SBF2: variants seen among roughly 807,000 people sequenced by gnomAD.
The protein encoded by SBF2 is SET binding factor 2.
In SBF2, 112 loss-of-function variants were observed where a neutral mutation model predicts 225.2. The ratio of observed to expected loss-of-function variants is 0.50; its 90% CI spans 0.43 to 0.58. The LOEUF is 0.58. Among genes scored for constraint, SBF2 ranks in the 20% least tolerant of loss-of-function variants. The pLI, the probability that SBF2 is intolerant of heterozygous loss-of-function variation, is 0.00. For synonymous variants in SBF2, 763 were observed against 773.3 expected, an observed-to-expected ratio of 0.99 and a Z score of 0.22; for missense variants, 1,996 against 2,206.2, an observed-to-expected ratio of 0.90 and a Z score of 1.91.
chr11:10,106,672 G>A (rs903062983), intron 2 of SBF2, among the ~76,000 whole-genome samples: 12 of 141,166 alleles, frequency 8.5e-5, no homozygotes, highest in East Asian at 8.5e-4. Context: ...AAAAACTAAC[G>A]AAATTGTTAA....
At position 9,845,580 on chromosome 11, in the gene SBF2, T is replaced by C. The variant is rs577937581; in HGVS notation, c.3095A>G (p.Lys1032Arg). The C allele has an allele frequency of 3.5e-5, 57 of 1,613,836 alleles. No homozygotes were observed. The South Asian group carries it at 6.1e-4, about 17-fold the overall frequency. Residue 1032 changes from lysine to arginine, a missense_variant, in exon 24 of 40, where the codon AAG (lysine) becomes AGG (arginine). By Grantham distance (26) the Lys-to-Arg change is conservative. Coordinates refer to ENST00000256190, the MANE Select transcript of SBF2 (RefSeq NM_030962.4). ...TTCTTCTTACCGAAAAGAAGTGTTC[T>C]TTTCCTTCTGTTTTGGTAAAATTAT... ...PQIILPKQKE[K>R]NTSFRTFSKT...
rs565347502 is a variant in SBF2 at position 9,867,368 on chromosome 11, T to C, written c.1930-8972A>G. On this transcript the variant is annotated intron_variant, in intron 17 of 39. Coordinates refer to ENST00000256190, the MANE Select transcript of SBF2 (RefSeq NM_030962.4). ...TATCTTGTCCCAGTTAAAGTGGCTA[T>C]TATAAAAAAAAGAAAAAGTAACAGA... 4.3e-3 allele frequency among the ~76,000 whole-genome samples: 653 copies of C among 152,198 alleles called. 2 individuals are homozygous for C. Among genetic ancestry groups the C allele is most frequent in the Non-Finnish European group, 8.1e-3 (552 of 68,006 alleles).
At chr11:9,926,968 G>A (rs1864104076) in intron 16 of SBF2, among the ~76,000 whole-genome samples, 3 of 152,042 alleles carry the variant, frequency 2.0e-5, no homozygotes. Flanking sequence ...GGTTCTCTGA[G>A]AAATTTAATA....
At position 10,206,196 on chromosome 11, in the gene SBF2, G is replaced by A. The variant is rs143267243; in HGVS notation, c.56-12209C>T. Among the ~76,000 whole-genome samples, 373 of 151,070 alleles carry A rather than the reference G, an allele frequency of 2.5e-3. 3 individuals are homozygous for A. Among genetic ancestry groups the A allele is most frequent in the African/African-American group, 8.8e-3 (364 of 41,268 alleles). On this transcript the variant is annotated intron_variant, in intron 1 of 39. Coordinates refer to ENST00000256190, the MANE Select transcript of SBF2 (RefSeq NM_030962.4). ...AAGAGACATCAAACAGCTCAGCCTG[G>A]GGAATGATTTCTGCCACCTCAGGCA...
At chr11:9,838,908 T>G (rs1424344573) in intron 26 of SBF2, 1 of 155,848 alleles carries the variant, frequency 6.4e-6, no homozygotes, top group Non-Finnish European at 1.4e-5. Context: ...AGAAAATGCC[T>G]CTTTATTTAC....
intron 17 of SBF2, among the ~76,000 whole-genome samples, chr11:9,877,838 A>G (rs1833576078): frequency 6.6e-6 from 1 of 152,162 alleles, no homozygotes; most frequent in Non-Finnish European, 1.5e-5. Context: ...GCTATTGTGT[A>G]TAGTGCCACA....
At chr11:9,808,742 G>A in intron 31 of SBF2, 159 bp downstream of exon 31, 1 of 591,822 alleles carries the variant, frequency 1.7e-6, no homozygotes, top group South Asian at 2.0e-5. Context: ...AGAGCTCATG[G>A]TACGGAGTTT....
At position 9,916,853 on chromosome 11, in the gene SBF2, A is replaced by ACTTACTAACTTACTACCTTT. The variant is rs1863140605; in HGVS notation, c.1861-20843_1861-20842insAAAGGTAGTAAGTTAGTAAG. On this transcript the variant is annotated intron_variant, in intron 16 of 39. Coordinates refer to ENST00000256190, the MANE Select transcript of SBF2 (RefSeq NM_030962.4). ...TCTTGCCTCAGCCTCCCAAGTGCTA[A>ACTTACTAACTTACTACCTTT]GAGTACAGGAGCAAATTACCATGCC... Among the ~76,000 whole-genome samples, 186 of 151,890 alleles carry ACTTACTAACTTACTACCTTT rather than the reference A, an allele frequency of 1.2e-3. 5 individuals are homozygous for ACTTACTAACTTACTACCTTT. The highest frequency in any genetic ancestry group is 4.3e-3 in the African/African-American group (177 of 41,306).
intron 1 of SBF2, among the ~76,000 whole-genome samples, chr11:10,223,443 A>ATATATATATATATATATATAT (rs57185157): frequency 8.0e-6 from 1 of 124,268 alleles, no homozygotes; most frequent in African/African-American, 3.2e-5. Flanking sequence ...ATATATATAT[A>ATATATATATATATATATATAT]GTATTCTTAC....
chr11:10,102,639 T>C (rs915536499), intron 2 of SBF2, among the ~76,000 whole-genome samples: 4 of 152,108 alleles, frequency 2.6e-5, no homozygotes, highest in African/African-American at 9.7e-5. Flanking sequence ...GTGTGAAGGG[T>C]TGATCCTGTA....
At chr11:9,938,284 C>G (rs1464293845) in intron 16 of SBF2, among the ~76,000 whole-genome samples, 1 of 150,390 alleles carries the variant, frequency 6.6e-6, no homozygotes, top group Non-Finnish European at 1.5e-5. Flanking sequence ...CAGCGAGACT[C>G]CGTCTCAGAA....
intron 17 of SBF2, among the ~76,000 whole-genome samples, chr11:9,862,980 T>C (rs1241436055): frequency 6.6e-6 from 1 of 152,174 alleles, no homozygotes; most frequent in African/African-American, 2.4e-5. Context: ...CTGGCAACAA[T>C]ATTTACATTT....
intron 1 of SBF2, 44 bp downstream of exon 1, chr11:10,293,971 G>GGGGGGCGGGGAGGCCC (rs1234142520): frequency 9.6e-5 from 121 of 1,263,388 alleles, no homozygotes; most frequent in Non-Finnish European, 1.1e-4. Flanking sequence ...GACAGCGGCC[G>GGGGGGCGGGGAGGCCC]GGGGGCGGGG....
At chr11:10,163,023 T>A (rs1054549391) in intron 2 of SBF2, among the ~76,000 whole-genome samples, 2 of 151,980 alleles carry the variant, frequency 1.3e-5, no homozygotes, top group African/African-American at 2.4e-5. Flanking sequence ...TGTATGAGGG[T>A]CGAAGACAGC....
intron 2 of SBF2, among the ~76,000 whole-genome samples, chr11:10,164,136 C>T (rs1955858179): frequency 6.6e-6 from 1 of 152,136 alleles, no homozygotes; most frequent in South Asian, 2.1e-4. Context: ...ACTCCATTCC[C>T]ACTCATATTG....
intron 30 of SBF2, among the ~76,000 whole-genome samples, chr11:9,809,761 G>C (rs968886857): frequency 3.3e-5 from 5 of 151,938 alleles, no homozygotes; most frequent in African/African-American, 1.2e-4. Context: ...GGCCAGGCTA[G>C]TCTTGAACTC....
At chr11:9,954,606 T>G (rs1374516921) in intron 16 of SBF2, among the ~76,000 whole-genome samples, 1 of 152,158 alleles carries the variant, frequency 6.6e-6, no homozygotes, top group African/African-American at 2.4e-5. Context: ...TATAAAATAT[T>G]AAGTGCCCCT....
chr11:10,271,107 C>T (rs1331052948), intron 1 of SBF2, among the ~76,000 whole-genome samples: 6 of 151,542 alleles, frequency 4.0e-5, no homozygotes, highest in African/African-American at 1.5e-4. Flanking sequence ...CAGCAGTATG[C>T]CACTTCTTAC....
At chr11:10,060,683 A>G (rs142833976) in intron 2 of SBF2, among the ~76,000 whole-genome samples, 1 of 152,324 alleles carries the variant, frequency 6.6e-6, no homozygotes, top group East Asian at 1.9e-4. Context: ...CTAACCCACC[A>G]TGACCAAGTA....
Sources: allele counts gnomAD v4.1 joint callset (sites outside exome capture counted in the v4.1 genomes callset), GRCh38; gene constraint gnomAD v4.1.1; transcripts MANE v1.5; gene names NCBI Gene and HGNC (gene_info 2026-07-23, HGNC 2026-07-21).